ABCA4: variants seen among roughly 807,000 people sequenced by gnomAD.
The protein encoded by ABCA4 is retinal-specific phospholipid-transporting ATPase ABCA4.
Under a neutral mutation model 263.7 loss-of-function variants are expected in ABCA4, and 196 were observed. The observed-to-expected ratio is 0.74, with a 90% CI of 0.66 to 0.84. The LOEUF (loss-of-function observed/expected upper bound fraction) is 0.84, where lower values mean the gene tolerates loss of function less well. Among genes scored for constraint, ABCA4 ranks in the 40% least tolerant of loss-of-function variants. ABCA4 has a pLI of 0.00. For missense variants in ABCA4, 2,792 were observed against 2,855.1 expected, an observed-to-expected ratio of 0.98 and a Z score of 0.50; for synonymous variants, 1,133 against 1,094.2, an observed-to-expected ratio of 1.04 and a Z score of -0.70.
rs1422542043 is a variant in ABCA4, at chr1:94,044,650, G to A, written c.3013C>T (p.Leu1005Phe). ...ATGTTGTGCTGTGGACACATGCCAA[G>A]GCTCTGCCGGACTGCATCCAGGCTG... ...ETSLDAVRQS[L>F]GMCPQHNILF... is the part of the protein sequence containing the mutation. The change falls in exon 20 of 50, where the codon CTT (leucine) becomes TTT (phenylalanine). Residue 1005 changes from leucine to phenylalanine, a missense_variant. Physicochemically the swap from Leu to Phe is conservative, Grantham distance 22. Transcript: ENST00000370225. The A allele has an allele frequency of 6.2e-7, 1 of 1,614,088 alleles. No homozygotes were observed. Among genetic ancestry groups the A allele is most frequent in the Non-Finnish European group, 8.5e-7 (1 of 1,180,044 alleles).
At chr1:94,098,729 T>C (rs977311247) in intron 6 of ABCA4, 65 bp downstream of exon 6, 36 of 1,579,282 alleles carry the variant, frequency 2.3e-5, no homozygotes, top group Non-Finnish European at 3.1e-5. Flanking sequence ...CCAAGGTCAA[T>C]TCGTGAGGCT....
At chr1:94,015,389 G>A (rs1310879892) in intron 37 of ABCA4, among the ~76,000 whole-genome samples, 1 of 152,166 alleles carries the variant, frequency 6.6e-6, no homozygotes, top group Non-Finnish European at 1.5e-5. Flanking sequence ...ACACTGAGGT[G>A]GACAGATTGG....
At chr1:94,001,517 A>G (rs1409410806) in intron 45 of ABCA4, 1 of 560,896 alleles carries the variant, frequency 1.8e-6, no homozygotes, top group Non-Finnish European at 3.4e-6. Context: ...TCAGCTCAGG[A>G]GCCTTTGACC....
chr1:94,074,241 C>T (rs537769214), intron 11 of ABCA4, among the ~76,000 whole-genome samples: 1 of 152,134 alleles, frequency 6.6e-6, no homozygotes, highest in African/African-American at 2.4e-5. Context: ...CTTTGCCAAA[C>T]CTGACACACA....
chr1:94,016,467 C>A (rs1659748911), intron 36 of ABCA4, among the ~76,000 whole-genome samples: 1 of 152,078 alleles, frequency 6.6e-6, no homozygotes, highest in African/African-American at 2.4e-5. Flanking sequence ...ACGAGGAGGA[C>A]CTGCATGCAG....
At chr1:94,117,009 TC>T (rs1248459272) in intron 1 of ABCA4, among the ~76,000 whole-genome samples, 2 of 145,022 alleles carry the variant, frequency 1.4e-5, no homozygotes, top group African/African-American at 2.5e-5. Context: ...TTTCTTTCTT[TC>T]TTTCTTTCTT....
rs1441888355 is a variant in ABCA4 at position 94,021,693 on chromosome 1, A to C, written c.4795T>G (p.Ser1599Ala). The C allele has an allele frequency of 1.2e-6, 2 of 1,613,358 alleles. No homozygotes were observed. Among genetic ancestry groups the C allele is most frequent in the Non-Finnish European group, 1.7e-6 (2 of 1,179,590 alleles). Residue 1599 changes from serine (S) to alanine (A), a missense_variant, in exon 34 of 50, where the codon TCT (serine) becomes GCT (alanine). Coordinates refer to ENST00000370225, the MANE Select transcript of ABCA4 (RefSeq NM_000350.3). The stretch of plus-strand genomic sequence containing the variant: ...TTAAGGAAATCAGGTATTTCTTTAG[A>C]GGCCTCTCTAGTGATAGGGCCCTAA... Reference protein sequence around the residue: ...VSGGPITREASKEIPDFLKHL... With the variant: ...VSGGPITREAAKEIPDFLKHL...
intron 39 of ABCA4, 51 bp from the exon 40 acceptor site, chr1:94,010,980 C>T (rs1659530292): frequency 2.5e-6 from 4 of 1,613,724 alleles, no homozygotes; most frequent in Non-Finnish European, 3.4e-6. Flanking sequence ...GCTCACCCCA[C>T]AGACCTGGCC....
rs141208724 is a variant in ABCA4, at chr1:94,077,740, T to C, written c.1504A>G (p.Ile502Val). ...DDMANFDWRD[I>V]FNITDRTLRL... ...AGGGTGCGATCAGTGATGTTAAATA[T>C]GTCCCTCCAGTCGAAGTTGGCCATG... The change falls in exon 11 of 50, where the codon ATA becomes GTA. Residue 502 changes from isoleucine (I) to valine (V), a missense_variant. Physicochemically the swap from Ile to Val is conservative, Grantham distance 29. Coordinates refer to ENST00000370225, the MANE Select transcript of ABCA4 (RefSeq NM_000350.3). The C allele has an allele frequency of 1.9e-6, 3 of 1,614,168 alleles. No homozygotes were observed. Among genetic ancestry groups the C allele is most frequent in the Non-Finnish European group, 2.5e-6 (3 of 1,180,018 alleles).
intron 17 of ABCA4, among the ~76,000 whole-genome samples, chr1:94,051,021 G>T (rs1444477224): frequency 6.6e-6 from 1 of 152,210 alleles, no homozygotes; most frequent in Non-Finnish European, 1.5e-5. Context: ...ACTTTCTCTA[G>T]CTAGGCCTCC....
chr1:94,004,137 C>A (rs2100998512), intron 44 of ABCA4, among the ~76,000 whole-genome samples: 1 of 152,232 alleles, frequency 6.6e-6, no homozygotes, highest in East Asian at 1.9e-4. Context: ...CTTCTTGAGC[C>A]TTTCGGAAGA....
intron 11 of ABCA4, among the ~76,000 whole-genome samples, chr1:94,066,545 T>C (rs899889784): frequency 6.6e-6 from 1 of 152,242 alleles, no homozygotes; most frequent in African/African-American, 2.4e-5. Flanking sequence ...CACTCAGTCA[T>C]GGGGCATTTG....
At chr1:94,024,773 C>T (rs934613490) in intron 31 of ABCA4, among the ~76,000 whole-genome samples, 181 bp downstream of exon 31, 14 of 152,256 alleles carry the variant, frequency 9.2e-5, no homozygotes, top group African/African-American at 2.9e-4. Context: ...TCTTAAGTTA[C>T]ATTTTACTTG....
intron 5 of ABCA4, among the ~76,000 whole-genome samples, chr1:94,099,651 G>A (rs1441910863): frequency 2.6e-5 from 4 of 152,194 alleles, no homozygotes; most frequent in Non-Finnish European, 4.4e-5. Flanking sequence ...GCAAACAAAA[G>A]CACCAGATGC....
At position 94,014,363 on chromosome 1, in the gene ABCA4, AAGGAAGGATGGG is replaced by A. The variant is rs143222183; in HGVS notation, c.5460+168_5460+179del. Among the ~76,000 whole-genome samples the A allele has an allele frequency of 0.034, 4,600 of 137,010 alleles. 258 individuals carry two copies. The highest frequency in any genetic ancestry group is 0.13 in the African/African-American group (4,383 of 34,946). The allele number at this position is 137,010 out of a possible 152,430, so 89.9% of individuals were successfully genotyped here. A position where few individuals can be genotyped will look rare whatever the true frequency, so the allele number is the denominator to read the frequency against. On this transcript the variant is annotated intron_variant, in intron 38 of 49. Coordinates refer to ENST00000370225, the MANE Select transcript of ABCA4 (RefSeq NM_000350.3). ...GGAGGGAGGAGAAGAAGGAAAGAGGAAGGAAGGATGGGAGGAAGGAAGGAAGGAAAGGAGGCA... is the reference window on the plus strand; with the variant it reads ...GGAGGGAGGAGAAGAAGGAAAGAGGAAGGAAGGAAGGAAGGAAAGGAGGCA...
chr1:94,095,467 G>A (rs1176500085), intron 6 of ABCA4, among the ~76,000 whole-genome samples: 3 of 152,108 alleles, frequency 2.0e-5, no homozygotes, highest in Non-Finnish European at 2.9e-5. Flanking sequence ...ACTGGCCTAC[G>A]TGCGTATGAG....
At position 94,018,445 on chromosome 1, in the gene ABCA4, C is replaced by T. The variant is rs778234759; in HGVS notation, c.5196+1137G>A. 1.8e-4 allele frequency: 74 copies of T among 411,718 alleles called. 1 individual carries two copies. Among genetic ancestry groups the T allele is most frequent in the Non-Finnish European group, 3.0e-4 (62 of 206,590 alleles). 25.5% of individuals were successfully genotyped at this position (411,718 alleles called of 1,614,324 possible). A position where few individuals can be genotyped will look rare whatever the true frequency, so the allele number is the denominator to read the frequency against. ...CCCCGTGCATTTATGAGTGTTTCCT[C>T]GTGTAGACAGAAGAGAGAGGAAATA... On this transcript the variant is annotated intron_variant, in intron 36 of 49. Transcript: ENST00000370225.
At chr1:94,095,110 G>A (rs116079572) in intron 6 of ABCA4, among the ~76,000 whole-genome samples, 1 of 152,196 alleles carries the variant, frequency 6.6e-6, no homozygotes. Flanking sequence ...GAGCGTGTGC[G>A]ATAGTGTGCA....
chr1:94,095,503 C>G (rs1212208945), intron 6 of ABCA4, among the ~76,000 whole-genome samples: 3 of 152,218 alleles, frequency 2.0e-5, no homozygotes, highest in African/African-American at 7.2e-5. Context: ...GAAGGCCCAG[C>G]ATTCCCGCAC....
Sources: gnomAD v4.1 joint callset for allele counts (sites outside exome capture counted in the v4.1 genomes callset) on GRCh38, gnomAD v4.1.1 for gene constraint, MANE v1.5 for transcripts, NCBI Gene and HGNC (gene_info 2026-07-23, HGNC 2026-07-21) for gene names.